TBATA: variants seen among roughly 807,000 people sequenced by gnomAD.
The protein encoded by TBATA is thymus, brain and testes associated.
Under a neutral mutation model 38.7 loss-of-function variants are expected in TBATA, and 47 were observed. The ratio of observed to expected loss-of-function variants is 1.21; its 90% CI spans 0.96 to 1.55. The LOEUF (loss-of-function observed/expected upper bound fraction) is 1.55. TBATA is among the 40% of genes most tolerant of loss of function. The probability of loss-of-function intolerance (pLI) is 0.00; values close to 1 mark genes in which losing one functional copy is unlikely to be tolerated. For synonymous variants in TBATA, 183 were observed against 170.5 expected, an observed-to-expected ratio of 1.07 and a Z score of -0.57; for missense variants, 436 against 435.6, an observed-to-expected ratio of 1.00 and a Z score of -0.01.
chr10:70,784,303 T>C, intron 2 of TBATA, among the ~76,000 whole-genome samples: 1 of 152,204 alleles, frequency 6.6e-6, no homozygotes, highest in East Asian at 1.9e-4. Context: ...GTTCTTGTTC[T>C]TGGTTTGGGT....
At chr10:70,776,921 T>C (rs895840982) in intron 7 of TBATA, among the ~76,000 whole-genome samples, 5 of 152,108 alleles carry the variant, frequency 3.3e-5, no homozygotes, top group African/African-American at 1.2e-4. Context: ...AGTGCGTTCA[T>C]GCTTCCAGTG....
chr10:70,780,713 C>T (rs1458933852), intron 4 of TBATA, among the ~76,000 whole-genome samples: 1 of 152,158 alleles, frequency 6.6e-6, no homozygotes, highest in African/African-American at 2.4e-5. Context: ...CTCCTCCCAG[C>T]CTACACTAGC....
chr10:70,776,240 A>T (rs2083431396), intron 7 of TBATA: 3 of 422,632 alleles, frequency 7.1e-6, no homozygotes, highest in Non-Finnish European at 1.4e-5. Flanking sequence ...TTAGGGGTCC[A>T]CCCTCGTCCC....
Position 70,781,839 on chromosome 10 carries a change from C to T in TBATA, c.239G>A (p.Arg80Gln), listed in dbSNP as rs115775127. 1,862 of 1,614,050 alleles carry T rather than the reference C, an allele frequency of 1.2e-3. 11 individuals carry two copies. In the East Asian group the frequency reaches 0.013, roughly 11 times the overall value. The change falls in exon 4 of 11, where the codon CGG becomes CAG. Residue 80 changes from arginine (R) to glutamine (Q), a missense_variant. Physicochemically the swap from Arg to Gln is conservative, Grantham distance 43. Transcript: ENST00000456372. ...GRLSHHSFFS[R>Q]HHPHPQHVTH... ...CACGTGCTGGGGGTGTGGGTGGTGC[C>T]GGGAGAAGAAGGAGTGGTGACTGAG...
At position 70,774,217 on chromosome 10, in the gene TBATA, A is replaced by G; in HGVS notation, c.916T>C (p.Cys306Arg). 5 of 1,612,056 alleles carry G rather than the reference A, an allele frequency of 3.1e-6. No individual in the cohort carries two copies. The highest frequency in any genetic ancestry group is 4.2e-6 in the Non-Finnish European group (5 of 1,179,570). ...AGGGCGGGGTGCGGGGCCCACCTGC[A>G]GGGTGGCTCTTGCTTCTCTTGAGGA... ...EPPQEKQEPPCSQSPKKTKIS... is the reference protein window; with the variant it reads ...EPPQEKQEPPRSQSPKKTKIS... Residue 306 changes from cysteine (C) to arginine (R), a missense_variant, in exon 9 of 11, where the codon TGC (cysteine) becomes CGC (arginine). Coordinates refer to ENST00000456372, the MANE Select transcript of TBATA (RefSeq NM_001318241.2).
At chr10:70,778,866 C>G in intron 5 of TBATA, 1 of 625,218 alleles carries the variant, frequency 1.6e-6, no homozygotes, top group South Asian at 1.7e-5. Flanking sequence ...TTCCTTCTAG[C>G]AGGGGCTGAT....
Position 70,771,462 on chromosome 10 carries a change from C to T in TBATA, c.974-1G>A, listed in dbSNP as rs768103058. Reference sequence around the variant, plus strand: ...AGGACTTGAGCTTCTCCAATGTACTCTAGTGGGAGGAGAGACAGCAGGCAG... The same window carrying T: ...AGGACTTGAGCTTCTCCAATGTACTTTAGTGGGAGGAGAGACAGCAGGCAG... On this transcript the variant is annotated splice_acceptor_variant, in intron 10 of 10. Coordinates refer to ENST00000456372, the MANE Select transcript of TBATA (RefSeq NM_001318241.2). LOFTEE classifies it high-confidence loss of function. The T allele has an allele frequency of 5.0e-6, 8 of 1,613,458 alleles. No individual in the cohort carries two copies. The highest frequency in any genetic ancestry group is 1.7e-4 in the Middle Eastern group (1 of 6,038).
intron 9 of TBATA, 69 bp downstream of exon 9, chr10:70,774,144 C>T (rs1843084333): frequency 1.3e-6 from 2 of 1,586,156 alleles, no homozygotes; most frequent in Non-Finnish European, 8.6e-7. Context: ...GCTCCCTTCT[C>T]CAGGTCCCAC....
chr10:70,771,464 A>G lies in TBATA; in HGVS notation c.974-3T>C. On this transcript the variant is annotated splice_polypyrimidine_tract_variant and splice_region_variant and intron_variant, in intron 10 of 10. Coordinates refer to ENST00000456372, the MANE Select transcript of TBATA (RefSeq NM_001318241.2). ...GACTTGAGCTTCTCCAATGTACTCT[A>G]GTGGGAGGAGAGACAGCAGGCAGGA... is the stretch of plus-strand genomic sequence containing the variant. 1 of 1,613,040 alleles carries G rather than the reference A, an allele frequency of 6.2e-7. No homozygotes were observed. Among genetic ancestry groups the G allele is most frequent in the Middle Eastern group, 1.7e-4 (1 of 6,032 alleles).
At chr10:70,777,421 G>T in intron 6 of TBATA, 83 bp from the exon 7 acceptor site, 2 of 1,325,966 alleles carry the variant, frequency 1.5e-6, no homozygotes, top group East Asian at 4.7e-5. Context: ...GCAGGAGGCC[G>T]GGTCACAATC....
chr10:70,771,590 CT>C, intron 10 of TBATA, 129 bp from the exon 11 acceptor site: 1 of 832,496 alleles, frequency 1.2e-6, no homozygotes, highest in Non-Finnish European at 1.9e-6. Context: ...CTCAGCTCTG[CT>C]GGTGACCGAG....
rs1237283449 is a variant in TBATA, at chr10:70,772,258, C to T, written c.973+256G>A. 6.0e-6 allele frequency: 4 copies of T among 671,080 alleles called. No homozygotes were observed. The East Asian group carries it at 1.2e-4, about 20-fold the overall frequency. The allele number at this position is 671,080 out of a possible 1,614,324, so 41.6% of individuals were successfully genotyped here. On this transcript the variant is annotated intron_variant, in intron 10 of 10. Coordinates refer to ENST00000456372, the MANE Select transcript of TBATA (RefSeq NM_001318241.2). ...GGTGTTTTAATTTGTTGTCTGTATT[C>T]CTCCTTGCTGGGATGTAAGTTCCGT...
chr10:70,771,274 A>G lies in TBATA; in HGVS notation c.*102T>C, dbSNP rs761452375. The G allele has an allele frequency of 6.2e-7, 1 of 1,609,306 alleles. No individual in the cohort carries two copies. Among genetic ancestry groups the G allele is most frequent in the Non-Finnish European group, 8.5e-7 (1 of 1,177,028 alleles). On this transcript the variant is annotated 3_prime_UTR_variant, in exon 11 of 11. Transcript: ENST00000456372. ...ACGGTTTTATTTAGTAAGAGTTTTC[A>G]CGGTAGGGAATCAGGTACTGCTGTG... is the stretch of plus-strand genomic sequence containing the variant.
At chr10:70,774,420 G>T (rs555950093) in intron 8 of TBATA, 63 bp from the exon 9 acceptor site, 2 of 1,498,006 alleles carry the variant, frequency 1.3e-6, no homozygotes, top group East Asian at 4.9e-5. Flanking sequence ...CCTGTGGCGG[G>T]GCCAGAAGCA....
At chr10:70,783,592 T>C (rs897082894) in intron 2 of TBATA, 67 bp from the exon 3 acceptor site, 3 of 521,864 alleles carry the variant, frequency 5.7e-6, no homozygotes, top group Non-Finnish European at 3.5e-6. Context: ...CCCAGCAATT[T>C]CTTTCCCAGA....
chr10:70,783,615 T>G (rs994524517), intron 2 of TBATA, 90 bp from the exon 3 acceptor site: 17 of 487,666 alleles, frequency 3.5e-5, no homozygotes, highest in African/African-American at 2.9e-4. Context: ...TAAGAGAAAT[T>G]CTTATAGATG....
At chr10:70,783,207 C>T (rs1332127468) in intron 3 of TBATA, 132 bp downstream of exon 3, 1 of 1,039,402 alleles carries the variant, frequency 9.6e-7, no homozygotes, top group African/African-American at 1.6e-5. Flanking sequence ...GGCTGACCGG[C>T]AGCAGAAGTC....
chr10:70,778,815 T>G, intron 5 of TBATA, 179 bp from the exon 6 acceptor site: 2 of 672,622 alleles, frequency 3.0e-6, no homozygotes, highest in Non-Finnish European at 2.7e-6. Flanking sequence ...CCATGGGTGG[T>G]GGTTGTGGCA....
At position 70,774,288 on chromosome 10, in the gene TBATA, A is replaced by T; in HGVS notation, c.845T>A (p.Ile282Asn). 6.2e-7 allele frequency: 1 copy of T among 1,610,458 alleles called. No homozygotes were observed. Among genetic ancestry groups the T allele is most frequent in the Non-Finnish European group, 8.5e-7 (1 of 1,179,004 alleles). ...CTGGCTTAGGAGCTTTTCTGTAGGG[A>T]TGGAGACTAGGGGCTGGGGAAGGAG... ...AQLLPQPLVS[I>N]PTEKLLSQLP... is the part of the protein sequence containing the mutation. The change falls in exon 9 of 11, where the codon ATC becomes AAC. Residue 282 changes from isoleucine (I) to asparagine (N), a missense_variant. By Grantham distance (149) the Ile-to-Asn change is moderately radical. Coordinates refer to ENST00000456372, the MANE Select transcript of TBATA (RefSeq NM_001318241.2).
Sources: gnomAD v4.1 joint callset for allele counts (sites outside exome capture counted in the v4.1 genomes callset) on GRCh38, gnomAD v4.1.1 for gene constraint, MANE v1.5 for transcripts, NCBI Gene and HGNC (gene_info 2026-07-23, HGNC 2026-07-21) for gene names.